The following PTCHD4 variants were observed in gnomAD, a reference collection of about 807,000 sequenced individuals.
PTCHD4 encodes the protein patched domain containing 4.
Under a neutral mutation model 58.1 loss-of-function variants are expected in PTCHD4, and 33 were observed. That is an observed-to-expected ratio of 0.57 (90% confidence interval 0.43 to 0.76). The LOEUF is 0.76. Ranked by LOEUF, PTCHD4 falls within the 30% of genes least tolerant of loss-of-function variation. The pLI is 0.00. For missense variants in PTCHD4, 1,058 were observed against 1,027.1 expected (o/e 1.03, Z -0.41); for synonymous variants, 478 against 409.6 (o/e 1.17, Z -2.02).
intron 3 of PTCHD4, among the ~76,000 whole-genome samples, chr6:48,062,416 A>G (rs1195669514): frequency 6.6e-6 from 1 of 152,294 alleles, no homozygotes; most frequent in East Asian, 1.9e-4. Flanking sequence ...GCTGAAGATA[A>G]GTAAATGGGA....
chr6:47,933,148 G>A (rs1429686930), intron 4 of PTCHD4, among the ~76,000 whole-genome samples: 1 of 152,174 alleles, frequency 6.6e-6, no homozygotes, highest in Non-Finnish European at 1.5e-5. Context: ...GGAACCATAT[G>A]CTCTGATAAT....
At chr6:47,885,149 A>G (rs1446850306) in intron 4 of PTCHD4, among the ~76,000 whole-genome samples, 2 of 152,230 alleles carry the variant, frequency 1.3e-5, no homozygotes, top group Non-Finnish European at 2.9e-5. Context: ...TTAGATGACT[A>G]ATATTTCCTT....
intron 4 of PTCHD4, among the ~76,000 whole-genome samples, chr6:47,884,441 C>G (rs1358360980): frequency 6.6e-6 from 1 of 152,176 alleles, no homozygotes; most frequent in Non-Finnish European, 1.5e-5. Flanking sequence ...CACCCTTACT[C>G]AGAGATTCTT....
intron 4 of PTCHD4, among the ~76,000 whole-genome samples, chr6:47,898,195 C>T (rs535125824): frequency 6.6e-5 from 10 of 152,170 alleles, no homozygotes; most frequent in Admixed American, 3.3e-4. Context: ...CCACCTGCCT[C>T]GGCCTCCCAA....
rs777537625 is a variant in PTCHD4, at chr6:48,068,537, C to A, written c.110G>T (p.Arg37Leu). 17 of 1,609,274 alleles carry A rather than the reference C, an allele frequency of 1.1e-5. No homozygotes were observed. The highest frequency in any genetic ancestry group is 1.7e-5 in the Admixed American group (1 of 59,686). ...FCHRLGLCVS[R>L]HPVFFLTVPA... is the part of the protein sequence containing the mutation. ...CACGGTGAGGAAAAAGACCGGGTGC[C>A]GGCTCACGCACAAACCCAGCCTGTG... is the stretch of plus-strand genomic sequence containing the variant. The change falls in exon 3 of 5, where the codon CGG becomes CTG. Residue 37 changes from arginine (R) to leucine (L), a missense_variant. Physicochemically the swap from Arg to Leu is moderately radical, Grantham distance 102. Coordinates refer to ENST00000339488, the MANE Select transcript of PTCHD4 (RefSeq NM_001384253.1). This position sits in a 1 kb window ranked among gnomAD's most constrained non-coding sequence, Gnocchi z 4.2.
At chr6:48,080,895 G>A (rs1194670832) in intron 1 of PTCHD4, among the ~76,000 whole-genome samples, 2 of 152,196 alleles carry the variant, frequency 1.3e-5, no homozygotes, top group Non-Finnish European at 2.9e-5. Context: ...GGATTGTCTG[G>A]GGCTTACCTT....
At chr6:48,047,092 T>A (rs543033284) in intron 3 of PTCHD4, among the ~76,000 whole-genome samples, 1 of 151,920 alleles carries the variant, frequency 6.6e-6, no homozygotes, top group African/African-American at 2.4e-5. Flanking sequence ...TCCCCCTTTG[T>A]TCTTATGAGA....
rs184178288 is a variant in PTCHD4, at chr6:47,872,277, C to T, written c.*6026G>A. Among the ~76,000 whole-genome samples, 116 of 151,662 alleles carry T rather than the reference C, an allele frequency of 7.6e-4. No homozygotes were observed. Among genetic ancestry groups the T allele is most frequent in the African/African-American group, 2.6e-3 (108 of 41,438 alleles). On this transcript the variant is annotated 3_prime_UTR_variant, in exon 5 of 5. Transcript: ENST00000339488. ...AATCTTTCGTCCATGAGAGTGTTTC[C>T]TAGTTATTCCTAGGAAATTCTTCAA... is the stretch of plus-strand genomic sequence containing the variant.
chr6:47,930,098 C>T (rs1181674847), intron 4 of PTCHD4, among the ~76,000 whole-genome samples: 4 of 152,090 alleles, frequency 2.6e-5, no homozygotes, highest in Admixed American at 6.6e-5. Flanking sequence ...GGCCTTAAAT[C>T]AACTATTAGA....
intron 4 of PTCHD4, among the ~76,000 whole-genome samples, chr6:47,880,406 A>C (rs1372286091): frequency 6.6e-6 from 1 of 152,144 alleles, no homozygotes; most frequent in Non-Finnish European, 1.5e-5. Flanking sequence ...GAAATTATAA[A>C]AGTATGTTAA....
intron 3 of PTCHD4, among the ~76,000 whole-genome samples, chr6:48,033,785 C>A (rs1288590621): frequency 2.0e-5 from 3 of 151,948 alleles, no homozygotes; most frequent in African/African-American, 7.3e-5. Flanking sequence ...TAGTTTCTGC[C>A]TTCTCTCAAA....
chr6:48,080,164 CTA>C lies in PTCHD4; in HGVS notation c.-969-10240_-969-10239del, dbSNP rs1320378692. Among the ~76,000 whole-genome samples, 5 of 151,902 alleles carry C rather than the reference CTA, an allele frequency of 3.3e-5. No homozygotes were observed. In the East Asian group the frequency reaches 9.6e-4, roughly 29 times the overall value. On this transcript the variant is annotated intron_variant, in intron 1 of 4. Transcript: ENST00000339488. ...AATGATGTTAGATAAAAAACTCAGACTATGTTTGACATTCAAAAATTTAGTCT... is the reference window on the plus strand; with the variant it reads ...AATGATGTTAGATAAAAAACTCAGACTGTTTGACATTCAAAAATTTAGTCT...
At chr6:47,921,966 G>C (rs866804881) in intron 4 of PTCHD4, among the ~76,000 whole-genome samples, 12 of 144,860 alleles carry the variant, frequency 8.3e-5, no homozygotes, top group Middle Eastern at 7.0e-3. Context: ...AAAAAGAAAA[G>C]AAAAGAAAAG....
intron 3 of PTCHD4, among the ~76,000 whole-genome samples, chr6:48,060,863 C>T (rs1314909568): frequency 3.3e-5 from 5 of 152,246 alleles, no homozygotes; most frequent in Non-Finnish European, 5.9e-5. Flanking sequence ...GAACCATCGA[C>T]TGTTCCAACA....
At chr6:48,008,591 C>T (rs751498252) in intron 4 of PTCHD4, 43 bp downstream of exon 4, 1 of 1,584,344 alleles carries the variant, frequency 6.3e-7, no homozygotes, top group South Asian at 1.2e-5. Flanking sequence ...CTACCTTGCC[C>T]CAAACCGGTA....
rs570352691 is a variant in PTCHD4 at position 48,084,690 on chromosome 6, G to A, written c.-969-14764C>T. On this transcript the variant is annotated intron_variant, in intron 1 of 4. Coordinates refer to ENST00000339488, the MANE Select transcript of PTCHD4 (RefSeq NM_001384253.1). ...ATATCTAATTTCAAAACCGCTCAGT[G>A]TTTTATAACAGTGATTGAGAGTACT... Among the ~76,000 whole-genome samples, 40 of 148,066 alleles carry A rather than the reference G, an allele frequency of 2.7e-4. 1 individual carries two copies. In the South Asian group the frequency reaches 8.5e-3, roughly 32 times the overall value.
chr6:48,052,381 C>T (rs1400687494), intron 3 of PTCHD4, among the ~76,000 whole-genome samples: 1 of 151,814 alleles, frequency 6.6e-6, no homozygotes, highest in East Asian at 1.9e-4. Context: ...GGTTCTCCTT[C>T]TCCACTAGAA....
rs1278808115 is a variant in PTCHD4, at chr6:47,876,394, C to G, written c.*1909G>C. Among the ~76,000 whole-genome samples, 1 of 151,940 alleles carries G rather than the reference C, an allele frequency of 6.6e-6. No individual in the cohort carries two copies. Among genetic ancestry groups the G allele is most frequent in the Non-Finnish European group, 1.5e-5 (1 of 67,938 alleles). On this transcript the variant is annotated 3_prime_UTR_variant, in exon 5 of 5. Coordinates refer to ENST00000339488, the MANE Select transcript of PTCHD4 (RefSeq NM_001384253.1). ...ACCTCAAGGTAAAACAAAACAAACT[C>G]CATTTAATAAATGAAATATTACTTA...
At chr6:48,054,133 G>C (rs972805728) in intron 3 of PTCHD4, among the ~76,000 whole-genome samples, 5 of 152,002 alleles carry the variant, frequency 3.3e-5, no homozygotes, top group Admixed American at 2.6e-4. Context: ...TGATTCAATC[G>C]ATCTTAAGAG....
Sources: allele counts gnomAD v4.1 joint callset (sites outside exome capture counted in the v4.1 genomes callset), GRCh38; gene constraint gnomAD v4.1.1; non-coding constraint Gnocchi (gnomAD v3.1); transcripts MANE v1.5; gene names NCBI Gene and HGNC (gene_info 2026-07-23, HGNC 2026-07-21).